SPECC1L: variants seen among roughly 807,000 people sequenced by gnomAD.
SPECC1L encodes cytospin-A.
Under a neutral mutation model 116.8 loss-of-function variants are expected in SPECC1L, and 40 were observed. The ratio of observed to expected loss-of-function variants is 0.34; its 90% CI spans 0.27 to 0.45. SPECC1L has a LOEUF of 0.45. SPECC1L is among the 20% of genes least tolerant of loss of function. The pLI is 1.00. For missense variants in SPECC1L, 1,110 were observed against 1,373.6 expected, an observed-to-expected ratio of 0.81 and a Z score of 3.03; for synonymous variants, 504 against 500.6, an observed-to-expected ratio of 1.01 and a Z score of -0.09.
At chr22:24,273,486 A>T (rs1410420132) in intron 1 of SPECC1L, among the ~76,000 whole-genome samples, 2 of 152,246 alleles carry the variant, frequency 1.3e-5, no homozygotes, top group African/African-American at 4.8e-5. Flanking sequence ...TGGTAAACGT[A>T]AATAGTAAAT....
intron 3 of SPECC1L, among the ~76,000 whole-genome samples, chr22:24,305,863 A>C (rs1209908711): frequency 6.6e-6 from 1 of 152,046 alleles, no homozygotes; most frequent in African/African-American, 2.4e-5. Context: ...TGTATAAAGG[A>C]ATGGAGCAGT....
At chr22:24,361,578 G>C (rs942340655) in intron 11 of SPECC1L, among the ~76,000 whole-genome samples, 1 of 151,986 alleles carries the variant, frequency 6.6e-6, no homozygotes, top group Non-Finnish European at 1.5e-5. Flanking sequence ...CTTGAACCCA[G>C]GAGGCTCAAG....
intron 10 of SPECC1L, among the ~76,000 whole-genome samples, chr22:24,341,614 C>A (rs999052435): frequency 6.6e-6 from 1 of 152,190 alleles, no homozygotes. Flanking sequence ...TGTTCCCCAG[C>A]GATCCCCCAT....
At chr22:24,290,175 T>A (rs1435877145) in intron 2 of SPECC1L, among the ~76,000 whole-genome samples, 1 of 152,198 alleles carries the variant, frequency 6.6e-6, no homozygotes, top group Non-Finnish European at 1.5e-5. Context: ...TCTTAACTGG[T>A]TGGACAGGCA....
intron 14 of SPECC1L, among the ~76,000 whole-genome samples, chr22:24,371,649 GA>G: frequency 6.6e-6 from 1 of 152,132 alleles, no homozygotes; most frequent in Non-Finnish European, 1.5e-5. Flanking sequence ...GAACAAAAAT[GA>G]ACGCAGCATA....
chr22:24,411,305 C>T (rs1478789819), intron 14 of SPECC1L, among the ~76,000 whole-genome samples: 2 of 152,172 alleles, frequency 1.3e-5, no homozygotes, highest in African/African-American at 4.8e-5. Context: ...CTTCAGCAGC[C>T]TAGGGTCCTC....
At chr22:24,303,367 C>T (rs1285782091) in intron 3 of SPECC1L, among the ~76,000 whole-genome samples, 3 of 152,176 alleles carry the variant, frequency 2.0e-5, no homozygotes, top group Non-Finnish European at 4.4e-5. Flanking sequence ...CATTCTGTGA[C>T]CTGGAGGATG....
At chr22:24,282,021 G>A (rs1434163191) in intron 2 of SPECC1L, among the ~76,000 whole-genome samples, 1 of 152,250 alleles carries the variant, frequency 6.6e-6, no homozygotes, top group Non-Finnish European at 1.5e-5. Flanking sequence ...GGTAGGTGGG[G>A]GGAAGCCGAT....
At chr22:24,349,260 C>T (rs1416803236) in intron 11 of SPECC1L, among the ~76,000 whole-genome samples, 1 of 152,082 alleles carries the variant, frequency 6.6e-6, no homozygotes, top group African/African-American at 2.4e-5. Context: ...AGGCTGGTCT[C>T]GAACTCCTGA....
At chr22:24,332,759 C>A (rs2040964085) in intron 8 of SPECC1L, among the ~76,000 whole-genome samples, 1 of 151,278 alleles carries the variant, frequency 6.6e-6, no homozygotes, top group South Asian at 2.1e-4. Flanking sequence ...AATATATTAG[C>A]CCTGTATTTA....
intron 11 of SPECC1L, among the ~76,000 whole-genome samples, chr22:24,360,453 G>C (rs904315248): frequency 2.6e-5 from 4 of 152,220 alleles, no homozygotes; most frequent in African/African-American, 9.6e-5. Context: ...GGCTGTGACA[G>C]GGACAGTCTG....
intron 14 of SPECC1L, among the ~76,000 whole-genome samples, chr22:24,397,476 G>A (rs529776526): frequency 3.2e-4 from 48 of 152,236 alleles, no homozygotes; most frequent in Non-Finnish European, 5.6e-4. Flanking sequence ...TTAGGCTCCC[G>A]TTCTGTCTCA....
Position 24,334,503 on chromosome 22 carries a change from G to T in SPECC1L, c.2490G>T (p.Arg830Ser), listed in dbSNP as rs995801602. The stretch of plus-strand genomic sequence containing the variant: ...GGCAGGGAATGGGACTGAGTAGAAG[G>T]TCCTCGACTTCCTCAGAGCCAACTC... ...ALRQGMGLSRRSSTSSEPTPT... is the reference protein window; with the variant it reads ...ALRQGMGLSRSSSTSSEPTPT... Residue 830 changes from arginine (R) to serine (S), a missense_variant, in exon 9 of 17, where the codon AGG becomes AGT. Physicochemically the swap from Arg to Ser is moderately radical, Grantham distance 110 (BLOSUM62 -1). Around this residue, in one of 4 missense-constraint regions of SPECC1L, gnomAD observed 575 missense variants for 682.4 expected, o/e 0.84. Coordinates refer to ENST00000314328, the MANE Select transcript of SPECC1L (RefSeq NM_015330.6). 6.2e-7 allele frequency: 1 copy of T among 1,614,116 alleles called. No individual in the cohort carries two copies. The highest frequency in any genetic ancestry group is 1.3e-5 in the African/African-American group (1 of 75,018).
In SPECC1L at chr22:24,313,455, A is replaced by G. The variant is rs371780453; in HGVS notation, c.296A>G (p.Lys99Arg). Residue 99 changes from lysine (K) to arginine (R), a missense_variant, in exon 4 of 17, where the codon AAG becomes AGG. Transcript: ENST00000314328. The stretch of plus-strand genomic sequence containing the variant: ...ATGACCACCGTGGAGAACAAATCCA[A>G]GATTAGCACAGGTAACGGTGACATT... Reference protein sequence around the residue: ...PAMTTVENKSKISTGTASSTK... With the variant: ...PAMTTVENKSRISTGTASSTK... 1.2e-6 allele frequency: 2 copies of G among 1,614,086 alleles called. No individual in the cohort carries two copies. The highest frequency in any genetic ancestry group is 1.1e-5 in the South Asian group (1 of 91,074).
At chr22:24,351,988 C>CAA (rs796082803) in intron 11 of SPECC1L, among the ~76,000 whole-genome samples, 1 of 139,452 alleles carries the variant, frequency 7.2e-6, no homozygotes. Context: ...GACTCTGTCT[C>CAA]AAAAAAAAAA....
chr22:24,284,973 A>T (rs1407521783), intron 2 of SPECC1L, among the ~76,000 whole-genome samples: 2 of 152,192 alleles, frequency 1.3e-5, no homozygotes, highest in African/African-American at 4.8e-5. Flanking sequence ...AAGTAAGTGT[A>T]ATTTTGTAGT....
At chr22:24,342,121 T>C (rs1167781264) in intron 10 of SPECC1L, among the ~76,000 whole-genome samples, 1 of 152,240 alleles carries the variant, frequency 6.6e-6, no homozygotes, top group African/African-American at 2.4e-5. Context: ...AGTGTACTTA[T>C]TTGCCAAAGT....
rs1435855746 is a variant in SPECC1L, at chr22:24,365,547, A to G, written c.2899A>G (p.Met967Val). The change falls in exon 13 of 17, where the codon ATG becomes GTG. Residue 967 changes from methionine (M) to valine (V), a missense_variant. By Grantham distance (21) the Met-to-Val change is conservative (BLOSUM62 1). This residue lies in a region of SPECC1L where 575 missense variants were observed against 682.4 expected (regional missense o/e 0.84). Coordinates refer to ENST00000314328, the MANE Select transcript of SPECC1L (RefSeq NM_015330.6). ...AQEGASPASL[M>V]AMGTTSPQLS... ...GGAGGGAGCGTCGCCAGCCTCTCTG[A>G]TGGCTATGGGAACCACGTCTCCACA... The G allele has an allele frequency of 1.9e-6, 3 of 1,614,040 alleles. No homozygotes were observed. The highest frequency in any genetic ancestry group is 3.3e-5 in the Admixed American group (2 of 60,022).
chr22:24,369,966 T>G (rs2041841725), intron 14 of SPECC1L, among the ~76,000 whole-genome samples: 1 of 152,240 alleles, frequency 6.6e-6, no homozygotes, highest in Non-Finnish European at 1.5e-5. Flanking sequence ...GTTACAGAGA[T>G]TCTCCCCAGC....
Sources: gnomAD v4.1 joint callset for allele counts (sites outside exome capture counted in the v4.1 genomes callset) on GRCh38, gnomAD v4.1.1 for gene constraint, gnomAD v4.1.1 regional missense constraint, MANE v1.5 for transcripts, NCBI Gene and HGNC (gene_info 2026-07-23, HGNC 2026-07-21) for gene names.